EFCAB6: variants seen among roughly 807,000 people sequenced by gnomAD.
EFCAB6 encodes the protein EF-hand calcium-binding domain-containing protein 6.
Under a neutral mutation model 169.8 loss-of-function variants are expected in EFCAB6, and 156 were observed. That is an observed-to-expected ratio of 0.92 (90% confidence interval 0.81 to 1.05). The LOEUF is 1.05. Ranked by LOEUF, EFCAB6 falls within the 50% of genes least tolerant of loss-of-function variation. The pLI is 0.00. For synonymous variants in EFCAB6, 698 were observed against 676.4 expected (o/e 1.03, Z -0.50); for missense variants, 1,800 against 1,829.1 (o/e 0.98, Z 0.29).
chr22:43,739,806 C>T (rs959052421), intron 6 of EFCAB6, among the ~76,000 whole-genome samples: 6 of 152,024 alleles, frequency 3.9e-5, no homozygotes, highest in African/African-American at 1.4e-4. Flanking sequence ...CCCCGCACTC[C>T]GGGTTAGTGC....
At chr22:43,734,865 C>T (rs2060075731) in intron 7 of EFCAB6, among the ~76,000 whole-genome samples, 2 of 152,184 alleles carry the variant, frequency 1.3e-5, no homozygotes, top group African/African-American at 4.8e-5. Flanking sequence ...GGGGCAAATT[C>T]TTCCACTCTG....
At chr22:43,658,362 T>G (rs1460530422) in intron 17 of EFCAB6, among the ~76,000 whole-genome samples, 1 of 152,162 alleles carries the variant, frequency 6.6e-6, no homozygotes, top group African/African-American at 2.4e-5. Context: ...AGCTGGTGAT[T>G]GTGGGGGTGG....
At chr22:43,774,362 A>T (rs1306633550) in intron 3 of EFCAB6, among the ~76,000 whole-genome samples, 2 of 150,188 alleles carry the variant, frequency 1.3e-5, no homozygotes, top group East Asian at 4.0e-4. Context: ...ACGTGCAGGC[A>T]CCCCACAGTG....
chr22:43,709,323 C>T (rs866506053), intron 10 of EFCAB6, among the ~76,000 whole-genome samples: 13 of 152,158 alleles, frequency 8.5e-5, no homozygotes, highest in South Asian at 4.1e-4. Flanking sequence ...CTCAGGTGAT[C>T]CACCTGCTTT....
intron 17 of EFCAB6, among the ~76,000 whole-genome samples, chr22:43,666,162 A>G (rs969058050): frequency 3.3e-5 from 5 of 152,110 alleles, no homozygotes; most frequent in African/African-American, 1.2e-4. Context: ...TCTTGAATCT[A>G]TTCTCCTGGC....
At chr22:43,593,620 C>T (rs868856306) in intron 23 of EFCAB6, among the ~76,000 whole-genome samples, 6 of 152,186 alleles carry the variant, frequency 3.9e-5, no homozygotes, top group African/African-American at 4.8e-5. Context: ...GTAACTTAGA[C>T]GTAATTCAGG....
At position 43,735,997 on chromosome 22, in the gene EFCAB6, TG is replaced by T. The variant is rs1182051763; in HGVS notation, c.508-5del. ...CAGTCTTAATGTTTTTGAAAACCTA[TG>T]TACAAAAAGTGATTTAGGAAAAGTC... On this transcript the variant is annotated splice_polypyrimidine_tract_variant and splice_region_variant and intron_variant, in intron 6 of 31. Transcript: ENST00000262726. 1 of 1,604,878 alleles carries T rather than the reference TG, an allele frequency of 6.2e-7. No individual in the cohort carries two copies. Among genetic ancestry groups the T allele is most frequent in the African/African-American group, 1.3e-5 (1 of 74,494 alleles).
At chr22:43,657,317 C>A (rs745972716) in intron 17 of EFCAB6, among the ~76,000 whole-genome samples, 2 of 152,008 alleles carry the variant, frequency 1.3e-5, no homozygotes, top group South Asian at 2.1e-4. Flanking sequence ...AATGACTATA[C>A]GTGTTAGGTC....
chr22:43,643,828 CTTT>C (rs928737372), intron 17 of EFCAB6, among the ~76,000 whole-genome samples: 1 of 146,002 alleles, frequency 6.8e-6, no homozygotes, highest in Non-Finnish European at 1.5e-5. Flanking sequence ...AGCATTTGTT[CTTT>C]TTTTTTTTTT....
chr22:43,737,628 C>T (rs1169230532), intron 6 of EFCAB6, among the ~76,000 whole-genome samples: 3 of 150,102 alleles, frequency 2.0e-5, no homozygotes, highest in Admixed American at 6.6e-5. Flanking sequence ...CACACACATG[C>T]AGATATTCAC....
rs1177609549 is a variant in EFCAB6, at chr22:43,744,514, G to T, written c.508-8521C>A. On this transcript the variant is annotated intron_variant, in intron 6 of 31. Transcript: ENST00000262726. The surrounding 1 kb of genome is among the most constrained non-coding windows in gnomAD (Gnocchi z 4.3). ...CTTGTGAATTTTCCATGGGTTAAGA[G>T]GACACCATGACAGGTAGAAATCTTG... Among the ~76,000 whole-genome samples, 6 of 152,096 alleles carry T rather than the reference G, an allele frequency of 3.9e-5. No individual in the cohort carries two copies. Among genetic ancestry groups the T allele is most frequent in the Non-Finnish European group, 7.4e-5 (5 of 68,024 alleles).
chr22:43,656,631 G>A (rs752443535), intron 17 of EFCAB6, among the ~76,000 whole-genome samples: 2 of 152,168 alleles, frequency 1.3e-5, no homozygotes, highest in African/African-American at 4.8e-5. Context: ...TACACTGTGC[G>A]GTATAATACC....
chr22:43,534,788 T>A lies in EFCAB6; in HGVS notation c.4133A>T (p.Lys1378Ile). 6.2e-7 allele frequency: 1 copy of A among 1,614,086 alleles called. No homozygotes were observed. Among genetic ancestry groups the A allele is most frequent in the Non-Finnish European group, 8.5e-7 (1 of 1,180,002 alleles). Residue 1378 changes from lysine to isoleucine, a missense_variant, in exon 30 of 32, where the codon AAA (lysine) becomes ATA (isoleucine). Lys to Ile is a moderately radical substitution (Grantham distance 102). Coordinates refer to ENST00000262726, the MANE Select transcript of EFCAB6 (RefSeq NM_022785.4). ...IIKYDLKSNG[K>I]FAYCDFIQSC... ...CTGAATGAAGTCACAGTATGCAAAT[T>A]TCCCGTTGCTCTTTAAGTCGTATTT...
intron 3 of EFCAB6, among the ~76,000 whole-genome samples, chr22:43,781,746 G>A (rs990942517): frequency 3.3e-5 from 5 of 152,108 alleles, no homozygotes; most frequent in East Asian, 3.9e-4. Flanking sequence ...TGGGTTCATC[G>A]ATTGTAACAA....
intron 2 of EFCAB6, among the ~76,000 whole-genome samples, chr22:43,796,407 CCAAATA>C (rs2062510745): frequency 6.6e-6 from 1 of 151,916 alleles, no homozygotes; most frequent in African/African-American, 2.4e-5. Context: ...TCTTGCTGCC[CCAAATA>C]CAGAGCCTAA....
At chr22:43,548,816 C>T (rs2048225829) in intron 27 of EFCAB6, among the ~76,000 whole-genome samples, 1 of 152,050 alleles carries the variant, frequency 6.6e-6, no homozygotes, top group Non-Finnish European at 1.5e-5. Flanking sequence ...ATATGTGGAA[C>T]CCTTCGCTCA....
At chr22:43,757,318 C>T (rs779020548) in intron 5 of EFCAB6, among the ~76,000 whole-genome samples, 37 of 152,194 alleles carry the variant, frequency 2.4e-4, no homozygotes, top group Middle Eastern at 3.4e-3. Context: ...GAGACTGAGG[C>T]GGGAGGATCA....
intron 30 of EFCAB6, among the ~76,000 whole-genome samples, chr22:43,533,070 T>C (rs528304358): frequency 7.2e-5 from 11 of 152,346 alleles, no homozygotes; most frequent in African/African-American, 1.7e-4. Context: ...TGGGTTTCAA[T>C]TGTGGAACTG....
At chr22:43,718,801 T>C (rs2059422814) in intron 8 of EFCAB6, among the ~76,000 whole-genome samples, 1 of 152,038 alleles carries the variant, frequency 6.6e-6, no homozygotes, top group Non-Finnish European at 1.5e-5. Flanking sequence ...ATAATAATAA[T>C]AATATCAACA....
Sources: allele counts gnomAD v4.1 joint callset (sites outside exome capture counted in the v4.1 genomes callset), GRCh38; gene constraint gnomAD v4.1.1; non-coding constraint Gnocchi (gnomAD v3.1); transcripts MANE v1.5; gene names NCBI Gene and HGNC (gene_info 2026-07-23, HGNC 2026-07-21).